The following IL12RB2 variants were observed in gnomAD, a reference collection of about 807,000 sequenced individuals.
The protein encoded by IL12RB2 is interleukin 12 receptor subunit beta 2, also known as interleukin-12 receptor subunit beta-2.
In IL12RB2, 82 loss-of-function variants were observed where a neutral mutation model predicts 89.4. The observed-to-expected ratio is 0.92, with a 90% CI of 0.77 to 1.10. IL12RB2 has a LOEUF of 1.10. Among genes scored for constraint, IL12RB2 ranks in the 50% least tolerant of loss-of-function variants. The pLI is 0.00. For synonymous variants in IL12RB2, 368 were observed against 370.1 expected (o/e 0.99, Z 0.07); for missense variants, 963 against 1,031.9 (o/e 0.93, Z 0.92).
intron 1 of IL12RB2, among the ~76,000 whole-genome samples, chr1:67,311,990 C>T (rs1457129529): frequency 6.6e-6 from 1 of 152,134 alleles, no homozygotes; most frequent in Non-Finnish European, 1.5e-5. Context: ...TGCCATTGTC[C>T]ACAAACAGAG....
intron 1 of IL12RB2, among the ~76,000 whole-genome samples, chr1:67,312,041 A>C (rs775040010): frequency 6.6e-5 from 10 of 152,190 alleles, no homozygotes; most frequent in Non-Finnish European, 1.5e-4. Flanking sequence ...CCTTTCCAAT[A>C]CACTAAGGAA....
intron 9 of IL12RB2, among the ~76,000 whole-genome samples, chr1:67,343,966 C>G (rs892629378): frequency 6.6e-6 from 1 of 152,180 alleles, no homozygotes; most frequent in African/African-American, 2.4e-5. Flanking sequence ...TGAAAGTGAA[C>G]AAGACAAATC....
chr1:67,371,402 A>G (rs1663285985), intron 11 of IL12RB2, among the ~76,000 whole-genome samples: 1 of 150,816 alleles, frequency 6.6e-6, no homozygotes, highest in African/African-American at 2.4e-5. Context: ...CTATGATATA[A>G]AATTATTCTT....
chr1:67,345,523 T>A (rs1660119741), intron 9 of IL12RB2, among the ~76,000 whole-genome samples: 1 of 152,236 alleles, frequency 6.6e-6, no homozygotes. Flanking sequence ...GGGACCTGAT[T>A]TATATTGATG....
chr1:67,335,072 A>T (rs141234253), intron 8 of IL12RB2, among the ~76,000 whole-genome samples: 3 of 152,336 alleles, frequency 2.0e-5, no homozygotes, highest in African/African-American at 7.2e-5. Flanking sequence ...TAAGCTCAGC[A>T]CCTATCTTGG....
chr1:67,372,955 C>T (rs951370544), intron 13 of IL12RB2, among the ~76,000 whole-genome samples, 172 bp downstream of exon 13: 2 of 152,158 alleles, frequency 1.3e-5, no homozygotes, highest in African/African-American at 2.4e-5. Flanking sequence ...GAAAAGACAT[C>T]TAAACACACA....
chr1:67,370,075 G>A (rs1472130685), intron 11 of IL12RB2, among the ~76,000 whole-genome samples: 1 of 149,506 alleles, frequency 6.7e-6, no homozygotes, highest in Non-Finnish European at 1.5e-5. Flanking sequence ...TTAAATTAAA[G>A]TTGTTCTCCT....
intron 2 of IL12RB2, among the ~76,000 whole-genome samples, chr1:67,318,639 G>A (rs1455207394): frequency 1.3e-5 from 2 of 152,130 alleles, no homozygotes; most frequent in Admixed American, 1.3e-4. Flanking sequence ...CCTGGGGTAA[G>A]AATATCATTC....
chr1:67,348,439 T>G (rs766918018), intron 9 of IL12RB2, among the ~76,000 whole-genome samples: 8 of 152,202 alleles, frequency 5.3e-5, no homozygotes, highest in Non-Finnish European at 1.2e-4. Context: ...CTCTGGGCTC[T>G]GCGCCTACCT....
At chr1:67,391,383 G>A (rs867206157) in intron 16 of IL12RB2, among the ~76,000 whole-genome samples, 4 of 133,250 alleles carry the variant, frequency 3.0e-5, no homozygotes, top group African/African-American at 1.2e-4. Context: ...GTGTGTGTGT[G>A]TCTATACACA....
At chr1:67,352,093 T>C (rs1660912379) in intron 10 of IL12RB2, among the ~76,000 whole-genome samples, 2 of 152,208 alleles carry the variant, frequency 1.3e-5, no homozygotes, top group Admixed American at 1.3e-4. Context: ...TTTTCAGTCA[T>C]ATATCTGTAC....
At chr1:67,348,196 C>T (rs1296378541) in intron 9 of IL12RB2, among the ~76,000 whole-genome samples, 3 of 152,118 alleles carry the variant, frequency 2.0e-5, no homozygotes, top group African/African-American at 4.8e-5. Context: ...AAGGGATTCT[C>T]GGTCTCCACC....
At chr1:67,363,303 G>A (rs1324994014) in intron 10 of IL12RB2, among the ~76,000 whole-genome samples, 7 of 124,994 alleles carry the variant, frequency 5.6e-5, no homozygotes, top group East Asian at 2.5e-4. Flanking sequence ...CACAACCTCC[G>A]CCTCCCAGGT....
chr1:67,382,681 TG>T (rs968971736), intron 14 of IL12RB2, among the ~76,000 whole-genome samples: 48 of 150,780 alleles, frequency 3.2e-4, no homozygotes, highest in African/African-American at 1.2e-3. Context: ...TCCATTTAGC[TG>T]GCTCCTATTC....
At chr1:67,394,216 T>C (rs1666126493) in intron 16 of IL12RB2, among the ~76,000 whole-genome samples, 1 of 152,056 alleles carries the variant, frequency 6.6e-6, no homozygotes, top group Non-Finnish European at 1.5e-5. Flanking sequence ...CAGGAACCAA[T>C]TGCCAGGCCA....
At chr1:67,356,004 A>T (rs904307713) in intron 10 of IL12RB2, among the ~76,000 whole-genome samples, 1 of 152,218 alleles carries the variant, frequency 6.6e-6, no homozygotes. Flanking sequence ...TTGGCAAAGG[A>T]TCTCGCAAAC....
chr1:67,318,793 G>A (rs1026975285), intron 2 of IL12RB2, among the ~76,000 whole-genome samples: 1 of 152,086 alleles, frequency 6.6e-6, no homozygotes, highest in African/African-American at 2.4e-5. Flanking sequence ...AGCTCAGGGG[G>A]ATGTGTGAGT....
chr1:67,338,599 T>C, intron 8 of IL12RB2, 25 bp from the exon 9 acceptor site: 7 of 1,120,912 alleles, frequency 6.2e-6, no homozygotes, highest in Non-Finnish European at 9.6e-6. Context: ...TATGAAAATA[T>C]GTCTTTTTTT....
chr1:67,321,780 C>G lies in IL12RB2; in HGVS notation c.255C>G (p.Leu85=), dbSNP rs748930775. 11 of 1,611,242 alleles carry G rather than the reference C, an allele frequency of 6.8e-6. No individual in the cohort carries two copies. Among genetic ancestry groups the G allele is most frequent in the Non-Finnish European group, 9.3e-6 (11 of 1,177,378 alleles). The part of the protein sequence containing the change: ...RRINFHHGHS[L]NSQVTGLPLG... ...TCAATTTTCACCATGGCCACTCCCT[C>G]AATTCTCAAGTCACAGGTCTTCCCC... The change falls in exon 4 of 17, where the codon CTC becomes CTG. Residue 85 remains leucine, a synonymous_variant. Coordinates refer to ENST00000674203, the MANE Select transcript of IL12RB2 (RefSeq NM_001374259.2).
Sources: allele counts gnomAD v4.1 joint callset (sites outside exome capture counted in the v4.1 genomes callset), GRCh38; gene constraint gnomAD v4.1.1; transcripts MANE v1.5; gene names NCBI Gene and HGNC (gene_info 2026-07-23, HGNC 2026-07-21).